STK32B: variants seen among roughly 807,000 people sequenced by gnomAD.
The protein encoded by STK32B is serine/threonine kinase 32B.
Under a neutral mutation model 52.6 loss-of-function variants are expected in STK32B, and 43 were observed. The ratio of observed to expected loss-of-function variants is 0.82; its 90% CI spans 0.64 to 1.05. The LOEUF is 1.05. STK32B is among the 50% of genes least tolerant of loss of function. The pLI, the probability that STK32B is intolerant of heterozygous loss-of-function variation, is 0.00. For synonymous variants in STK32B, 238 were observed against 204.3 expected, an observed-to-expected ratio of 1.17 and a Z score of -1.41; for missense variants, 621 against 534.6, an observed-to-expected ratio of 1.16 and a Z score of -1.59.
At chr4:5,201,793 C>T (rs1212681313) in intron 3 of STK32B, among the ~76,000 whole-genome samples, 4 of 152,144 alleles carry the variant, frequency 2.6e-5, no homozygotes. Flanking sequence ...CACTCACTGT[C>T]TCGAGAATAG....
chr4:5,317,288 T>TATATATAATATATAACATATAAC lies in STK32B; in HGVS notation c.261-13917_261-13916insCATATAACATATATAATATATAA, dbSNP rs1731101784. 3.5e-5 allele frequency among the ~76,000 whole-genome samples: 2 copies of TATATATAATATATAACATATAAC among 57,894 alleles called. 1 individual carries two copies. The highest frequency in any genetic ancestry group is 2.8e-4 in the African/African-American group (2 of 7,226). The allele number at this position is 57,894 out of a possible 152,430, so 38.0% of individuals were successfully genotyped here. On this transcript the variant is annotated intron_variant, in intron 3 of 11. Coordinates refer to ENST00000282908, the MANE Select transcript of STK32B (RefSeq NM_018401.3). ...TATATATAATATATAACATATAACA[T>TATATATAATATATAACATATAAC]ATATATAATATATAATATATAACAT... is the stretch of plus-strand genomic sequence containing the variant.
intron 6 of STK32B, among the ~76,000 whole-genome samples, chr4:5,443,091 G>T (rs1714957493): frequency 6.6e-6 from 1 of 150,676 alleles, no homozygotes; most frequent in Non-Finnish European, 1.5e-5. Context: ...TCTTGGAGTT[G>T]CTCTTCTCGA....
Position 5,456,437 on chromosome 4 carries a change from G to T in STK32B, c.667-370G>T, listed in dbSNP as rs560122567. On this transcript the variant is annotated intron_variant, in intron 7 of 11. Coordinates refer to ENST00000282908, the MANE Select transcript of STK32B (RefSeq NM_018401.3). Reference sequence around the variant, plus strand: ...CAGCAAGTGGGGGCTATGACTGGAGGTGTCCGTGGGTGCCTGGTGGACGGC... The same window carrying T: ...CAGCAAGTGGGGGCTATGACTGGAGTTGTCCGTGGGTGCCTGGTGGACGGC... 2.8e-3 allele frequency among the ~76,000 whole-genome samples: 431 copies of T among 152,362 alleles called. 10 individuals are homozygous for T. The highest frequency in any genetic ancestry group is 9.1e-4 in the Non-Finnish European group (62 of 68,036).
intron 3 of STK32B, among the ~76,000 whole-genome samples, chr4:5,200,670 C>T (rs765278656): frequency 3.3e-5 from 5 of 152,136 alleles, no homozygotes; most frequent in Admixed American, 6.5e-5. Flanking sequence ...GAAACTTCTT[C>T]CTCCAGCTTA....
intron 4 of STK32B, among the ~76,000 whole-genome samples, chr4:5,342,598 T>C (rs1181685333): frequency 6.6e-6 from 1 of 152,154 alleles, no homozygotes; most frequent in African/African-American, 2.4e-5. Context: ...AAACCATTCA[T>C]GAGAAATCTC....
chr4:5,379,434 C>A (rs1735790426), intron 4 of STK32B, among the ~76,000 whole-genome samples: 1 of 152,144 alleles, frequency 6.6e-6, no homozygotes, highest in Non-Finnish European at 1.5e-5. Context: ...GGCTCCCCCA[C>A]TCTGGTACCC....
intron 3 of STK32B, among the ~76,000 whole-genome samples, chr4:5,233,084 A>T (rs905942956): frequency 1.3e-5 from 2 of 152,134 alleles, no homozygotes; most frequent in Non-Finnish European, 2.9e-5. Context: ...ATAACCTCAG[A>T]TTACCTAATA....
chr4:5,168,114 G>T (rs1235297969), intron 2 of STK32B, among the ~76,000 whole-genome samples, 185 bp from the exon 3 acceptor site: 1 of 152,118 alleles, frequency 6.6e-6, no homozygotes, highest in Non-Finnish European at 1.5e-5. Flanking sequence ...GGATGAATCT[G>T]GTCCAACTCC....
In STK32B at chr4:5,224,368, G is replaced by A. The variant is rs114680969; in HGVS notation, c.260+55918G>A. On this transcript the variant is annotated intron_variant, in intron 3 of 11. Coordinates refer to ENST00000282908, the MANE Select transcript of STK32B (RefSeq NM_018401.3). Reference sequence around the variant, plus strand: ...TCAGAACCTGCATATCTTTTTTGGAGGGCTTCTCTTAGCCTACTAGAATGT... The same window carrying A: ...TCAGAACCTGCATATCTTTTTTGGAAGGCTTCTCTTAGCCTACTAGAATGT... 2.9e-3 allele frequency among the ~76,000 whole-genome samples: 449 copies of A among 152,218 alleles called. 1 individual carries two copies. The highest frequency in any genetic ancestry group is 0.014 in the Middle Eastern group (4 of 294).
intron 4 of STK32B, among the ~76,000 whole-genome samples, chr4:5,392,863 T>G (rs1736670683): frequency 6.6e-6 from 1 of 152,212 alleles, no homozygotes; most frequent in African/African-American, 2.4e-5. Context: ...AGTTTAGCTG[T>G]TAATACTGTC....
At chr4:5,405,732 AATTC>A (rs1737617031) in intron 5 of STK32B, among the ~76,000 whole-genome samples, 1 of 151,988 alleles carries the variant, frequency 6.6e-6, no homozygotes, top group Non-Finnish European at 1.5e-5. Flanking sequence ...TGTGATAACT[AATTC>A]ATTATTATGA....
At chr4:5,377,945 A>G (rs1345585203) in intron 4 of STK32B, among the ~76,000 whole-genome samples, 1 of 152,184 alleles carries the variant, frequency 6.6e-6, no homozygotes, top group Admixed American at 6.5e-5. Flanking sequence ...AAAATAAATA[A>G]AAACAAAATA....
intron 3 of STK32B, among the ~76,000 whole-genome samples, chr4:5,227,863 G>T (rs910019214): frequency 6.6e-6 from 1 of 152,190 alleles, no homozygotes; most frequent in African/African-American, 2.4e-5. Flanking sequence ...TTGAGGTAGT[G>T]AGAAATCCAA....
intron 3 of STK32B, among the ~76,000 whole-genome samples, chr4:5,218,569 C>T (rs973658429): frequency 2.0e-5 from 3 of 152,156 alleles, no homozygotes; most frequent in African/African-American, 4.8e-5. Flanking sequence ...CGTCAAACTG[C>T]GTGCTTGGCT....
At chr4:5,271,175 A>G in intron 3 of STK32B, among the ~76,000 whole-genome samples, 1 of 152,156 alleles carries the variant, frequency 6.6e-6, no homozygotes, top group East Asian at 1.9e-4. Flanking sequence ...TGACCTCATG[A>G]TCCACCCGCC....
At chr4:5,357,145 G>C (rs1410604429) in intron 4 of STK32B, among the ~76,000 whole-genome samples, 2 of 151,774 alleles carry the variant, frequency 1.3e-5, no homozygotes, top group African/African-American at 4.8e-5. Flanking sequence ...AAGGCTTGAG[G>C]CCCCAGGAAT....
chr4:5,140,339 T>C, intron 2 of STK32B: 1 of 1,245,982 alleles, frequency 8.0e-7, no homozygotes, highest in South Asian at 1.4e-5. Flanking sequence ...TGACTATTTT[T>C]TTTGAAAAGG....
At chr4:5,446,646 A>T in intron 6 of STK32B, 27 bp from the exon 7 acceptor site, 1 of 1,605,270 alleles carries the variant, frequency 6.2e-7, no homozygotes, top group South Asian at 1.1e-5. Flanking sequence ...ATACACAATG[A>T]TGTTCTCCTT....
At chr4:5,478,584 TAGAAAAG>T (rs1352675858) in intron 11 of STK32B, among the ~76,000 whole-genome samples, 2 of 152,172 alleles carry the variant, frequency 1.3e-5, no homozygotes, top group East Asian at 1.9e-4. Context: ...AGTTTTTACT[TAGAAAAG>T]AGAAATCTCC....
Sources: allele counts gnomAD v4.1 joint callset (sites outside exome capture counted in the v4.1 genomes callset), GRCh38; gene constraint gnomAD v4.1.1; transcripts MANE v1.5; gene names NCBI Gene and HGNC (gene_info 2026-07-23, HGNC 2026-07-21).